Variants in LRRTM4 observed in about 807,000 individuals in gnomAD.
The protein encoded by LRRTM4 is leucine rich repeat transmembrane neuronal 4, also known as leucine-rich repeat transmembrane neuronal protein 4.
A neutral mutation model predicts 47.6 loss-of-function variants in LRRTM4; 25 were observed. The ratio of observed to expected loss-of-function variants is 0.53; its 90% CI spans 0.38 to 0.73. The LOEUF is 0.73. Ranked by LOEUF, LRRTM4 falls within the 30% of genes least tolerant of loss-of-function variation. The pLI is 0.00. For synonymous variants in LRRTM4, 311 were observed against 269.5 expected (o/e 1.15, Z -1.51); for missense variants, 638 against 713.4 (o/e 0.89, Z 1.20).
intron 3 of LRRTM4, among the ~76,000 whole-genome samples, chr2:77,054,905 G>A (rs888795157): frequency 6.6e-6 from 1 of 152,158 alleles, no homozygotes; most frequent in Non-Finnish European, 1.5e-5. Context: ...CAACAAGTTT[G>A]TTTTTGACTT....
intron 3 of LRRTM4, among the ~76,000 whole-genome samples, chr2:77,243,386 G>A (rs1203642902): frequency 7.4e-6 from 1 of 135,760 alleles, no homozygotes; most frequent in African/African-American, 2.8e-5. Context: ...CTCCAGCCTG[G>A]GCAACGAGAG....
chr2:76,860,480 G>A (rs1026263059), intron 3 of LRRTM4, among the ~76,000 whole-genome samples: 1 of 152,150 alleles, frequency 6.6e-6, no homozygotes, highest in Middle Eastern at 3.4e-3. Context: ...GGCTAGCTGT[G>A]CACACTATGA....
chr2:77,095,654 G>T (rs1202726551), intron 3 of LRRTM4, among the ~76,000 whole-genome samples: 1 of 151,828 alleles, frequency 6.6e-6, no homozygotes, highest in African/African-American at 2.4e-5. Flanking sequence ...TGCAGGCTCA[G>T]TTAGCCACCA....
At chr2:76,969,407 C>T (rs1462161140) in intron 3 of LRRTM4, among the ~76,000 whole-genome samples, 1 of 151,788 alleles carries the variant, frequency 6.6e-6, no homozygotes, top group African/African-American at 2.4e-5. Context: ...CCTCCAGAGG[C>T]AAATATTTAA....
intron 3 of LRRTM4, among the ~76,000 whole-genome samples, chr2:76,836,569 A>G (rs1408245366): frequency 6.6e-6 from 1 of 151,976 alleles, no homozygotes; most frequent in Non-Finnish European, 1.5e-5. Flanking sequence ...GATGATAATT[A>G]ACAGTTAATG....
chr2:77,204,690 A>G (rs1346788691), intron 3 of LRRTM4, among the ~76,000 whole-genome samples: 3 of 152,176 alleles, frequency 2.0e-5, no homozygotes, highest in Non-Finnish European at 4.4e-5. Context: ...TCATTGTTAA[A>G]AAGTTTGATT....
At chr2:77,312,450 A>G (rs1677483134) in intron 3 of LRRTM4, among the ~76,000 whole-genome samples, 1 of 152,222 alleles carries the variant, frequency 6.6e-6, no homozygotes, top group Non-Finnish European at 1.5e-5. Context: ...CTTGGCTTCA[A>G]TGATTTACTT....
chr2:76,876,727 T>A (rs867407021), intron 3 of LRRTM4, among the ~76,000 whole-genome samples: 26 of 152,054 alleles, frequency 1.7e-4, no homozygotes, highest in African/African-American at 6.0e-4. Context: ...TCCATTTTTT[T>A]AATATATCAA....
chr2:77,315,290 CAAAAT>C (rs1418987744), intron 3 of LRRTM4, among the ~76,000 whole-genome samples: 2 of 152,002 alleles, frequency 1.3e-5, no homozygotes, highest in African/African-American at 4.8e-5. Context: ...GATAAAGTGT[CAAAAT>C]GAAATTTAGG....
chr2:77,442,215 T>G (rs1675871184), intron 3 of LRRTM4, among the ~76,000 whole-genome samples: 1 of 152,156 alleles, frequency 6.6e-6, no homozygotes, highest in Admixed American at 6.5e-5. Context: ...GTTTTCCTTT[T>G]GTCAAGGTAC....
intron 3 of LRRTM4, among the ~76,000 whole-genome samples, chr2:77,482,580 G>A (rs1237918907): frequency 6.6e-6 from 1 of 152,012 alleles, no homozygotes; most frequent in Non-Finnish European, 1.5e-5. Context: ...TTTATTAAAA[G>A]TTTAAAATCA....
chr2:76,798,159 A>G (rs1441112481), intron 3 of LRRTM4, among the ~76,000 whole-genome samples: 1 of 152,130 alleles, frequency 6.6e-6, no homozygotes, highest in African/African-American at 2.4e-5. Context: ...TTTTTTCAGC[A>G]CCGCACCACA....
At chr2:77,124,424 G>A (rs140124247) in intron 3 of LRRTM4, among the ~76,000 whole-genome samples, 1,601 of 152,114 alleles carry the variant, frequency 0.011, 32 homozygotes, top group African/African-American at 0.036. Flanking sequence ...CCCCCCTCCC[G>A]CCAAATTCAA....
At chr2:76,886,947 G>T (rs991304251) in intron 3 of LRRTM4, among the ~76,000 whole-genome samples, 5 of 151,778 alleles carry the variant, frequency 3.3e-5, no homozygotes, top group African/African-American at 1.2e-4. Context: ...GAACTTTTTT[G>T]AACATAATAC....
At chr2:77,093,498 G>A (rs114212671) in intron 3 of LRRTM4, among the ~76,000 whole-genome samples, 2,156 of 151,614 alleles carry the variant, frequency 0.014, 77 homozygotes, top group African/African-American at 0.049. Context: ...CTTCCCTTCA[G>A]CTTAATCTCT....
At chr2:77,213,393 G>C (rs1438448418) in intron 3 of LRRTM4, among the ~76,000 whole-genome samples, 1 of 151,896 alleles carries the variant, frequency 6.6e-6, no homozygotes, top group Non-Finnish European at 1.5e-5. Flanking sequence ...TAACCCCTAT[G>C]GGCCTTAGAT....
intron 3 of LRRTM4, among the ~76,000 whole-genome samples, chr2:76,778,868 G>C (rs1360340137): frequency 6.6e-6 from 1 of 151,650 alleles, no homozygotes; most frequent in Non-Finnish European, 1.5e-5. Context: ...GTCAATTTTG[G>C]ATCTTTCCTG....
chr2:77,458,016 C>A (rs1375138441), intron 3 of LRRTM4, among the ~76,000 whole-genome samples: 1 of 152,132 alleles, frequency 6.6e-6, no homozygotes, highest in African/African-American at 2.4e-5. Flanking sequence ...TTAAAATTAT[C>A]CAGGTGAGAG....
chr2:76,976,351 G>T (rs771401876), intron 3 of LRRTM4, among the ~76,000 whole-genome samples: 1 of 151,120 alleles, frequency 6.6e-6, no homozygotes, highest in East Asian at 2.0e-4. Context: ...AACATATTGG[G>T]CTTTGAATGA....
Sources: gnomAD v4.1 joint callset for allele counts (sites outside exome capture counted in the v4.1 genomes callset) on GRCh38, gnomAD v4.1.1 for gene constraint, MANE v1.5 for transcripts, NCBI Gene and HGNC (gene_info 2026-07-23, HGNC 2026-07-21) for gene names.